PCDHGA7: variants seen among roughly 807,000 people sequenced by gnomAD.
The protein encoded by PCDHGA7 is protocadherin gamma subfamily A, 7.
In PCDHGA7, 44 loss-of-function variants were observed where a neutral mutation model predicts 58.3. The observed-to-expected ratio is 0.75, with a 90% CI of 0.59 to 0.97. The LOEUF (loss-of-function observed/expected upper bound fraction) is 0.97. Ranked by LOEUF, PCDHGA7 falls within the 50% of genes least tolerant of loss-of-function variation. The probability of loss-of-function intolerance (pLI) is 0.00; values close to 1 mark genes in which losing one functional copy is unlikely to be tolerated. For missense variants in PCDHGA7, 1,266 were observed against 1,188.7 expected, an observed-to-expected ratio of 1.06 and a Z score of -0.96; for synonymous variants, 516 against 504.2, an observed-to-expected ratio of 1.02 and a Z score of -0.31.
intron 1 of PCDHGA7, among the ~76,000 whole-genome samples, chr5:141,445,920 A>C (rs1343777309): frequency 6.6e-6 from 1 of 152,212 alleles, no homozygotes; most frequent in African/African-American, 2.4e-5. Context: ...GGCAGTGACA[A>C]GATATTTGAA....
intron 1 of PCDHGA7, chr5:141,414,638 A>G: frequency 6.2e-7 from 1 of 1,613,988 alleles, no homozygotes; most frequent in Non-Finnish European, 8.5e-7. Flanking sequence ...AGCAAAGAGA[A>G]TGCCCAGATT....
chr5:141,475,550 T>G (rs2099365082), intron 1 of PCDHGA7, among the ~76,000 whole-genome samples: 1 of 152,246 alleles, frequency 6.6e-6, no homozygotes, highest in Non-Finnish European at 1.5e-5. Flanking sequence ...AGGGTCCGGC[T>G]AATTGTCTGT....
intron 1 of PCDHGA7, among the ~76,000 whole-genome samples, chr5:141,463,684 G>C (rs2099066814): frequency 6.6e-6 from 1 of 151,910 alleles, no homozygotes; most frequent in African/African-American, 2.4e-5. Flanking sequence ...ATGACCTCGT[G>C]ATCTGCTCAC....
intron 1 of PCDHGA7, among the ~76,000 whole-genome samples, chr5:141,479,053 A>G (rs534968614): frequency 9.2e-5 from 14 of 152,334 alleles, no homozygotes; most frequent in African/African-American, 3.1e-4. Context: ...TCATTCTCAG[A>G]TAATTTTTTA....
In PCDHGA7 at chr5:141,384,661, G is replaced by C. The variant is rs777530436; in HGVS notation, c.1762G>C (p.Val588Leu). 6.2e-7 allele frequency: 1 copy of C among 1,614,226 alleles called. No individual in the cohort carries two copies. Residue 588 changes from valine (V) to leucine (L), a missense_variant, in exon 1 of 4, where the codon GTG becomes CTG. By Grantham distance (32) the Val-to-Leu change is conservative. Coordinates refer to ENST00000518325, the MANE Select transcript of PCDHGA7 (RefSeq NM_018920.4). ...APRSAEPGYL[V>L]TKVVAVDKDS... ...CCGCTCCGCAGAGCCCGGCTACCTG[G>C]TGACCAAGGTGGTGGCGGTGGACAA... is the stretch of plus-strand genomic sequence containing the variant.
Position 141,432,403 on chromosome 5 carries a change from G to A in PCDHGA7, c.2424+47080G>A, listed in dbSNP as rs1279890312. The A allele has an allele frequency of 6.2e-7, 1 of 1,614,242 alleles. No homozygotes were observed. The highest frequency in any genetic ancestry group is 8.5e-7 in the Non-Finnish European group (1 of 1,180,052). On this transcript the variant is annotated intron_variant, in intron 1 of 3. Coordinates refer to ENST00000518325, the MANE Select transcript of PCDHGA7 (RefSeq NM_018920.4). The surrounding 1 kb of genome is among the most constrained non-coding windows in gnomAD (Gnocchi z 6.0). ...CGCCCCTCAGCAGCAACGTGTCGTT[G>A]AGCCTGTTCGTGCTGGACCAGAACG...
Position 141,476,855 on chromosome 5 carries a change from T to C in PCDHGA7, c.2425-17952T>C, listed in dbSNP as rs149491772. The C allele has an allele frequency of 3.2e-4, 519 of 1,613,836 alleles. 3 individuals carry two copies. The African/African-American group carries it at 6.2e-3, about 19-fold the overall frequency. Reference sequence around the variant, plus strand: ...TGACAATGCGCCTGTCTTCAACCAGTCCTTGTACCGGGCGCGCGTCCTGGA... The same window carrying C: ...TGACAATGCGCCTGTCTTCAACCAGCCCTTGTACCGGGCGCGCGTCCTGGA... On this transcript the variant is annotated intron_variant, in intron 1 of 3. Coordinates refer to ENST00000518325, the MANE Select transcript of PCDHGA7 (RefSeq NM_018920.4). This position sits in a 1 kb window ranked among gnomAD's most constrained non-coding sequence, Gnocchi z 7.6.
intron 1 of PCDHGA7, chr5:141,400,431 A>G (rs542969819): frequency 3.0e-5 from 48 of 1,614,034 alleles, no homozygotes; most frequent in African/African-American, 1.1e-4. Context: ...GTAGTGAGCA[A>G]TTGAGTTCAG....
intron 1 of PCDHGA7, among the ~76,000 whole-genome samples, chr5:141,470,598 G>A (rs2099234276): frequency 6.6e-6 from 1 of 152,184 alleles, no homozygotes; most frequent in Admixed American, 6.5e-5. Flanking sequence ...GGCGACCTGT[G>A]CGGGGACACA....
chr5:141,463,446 T>TC, intron 1 of PCDHGA7, among the ~76,000 whole-genome samples: 1 of 125,012 alleles, frequency 8.0e-6, no homozygotes, highest in Non-Finnish European at 1.7e-5. Flanking sequence ...TCCTTTTTTT[T>TC]TTTTTTTTTT....
chr5:141,396,538 T>C (rs1352031358), intron 1 of PCDHGA7: 1 of 151,514 alleles, frequency 6.6e-6, no homozygotes, highest in Non-Finnish European at 1.5e-5. Flanking sequence ...AAGAATCACT[T>C]GAACCCGGGA....
chr5:141,410,579 G>A (rs760249748), intron 1 of PCDHGA7: 17 of 1,610,792 alleles, frequency 1.1e-5, no homozygotes, highest in Non-Finnish European at 1.4e-5. Context: ...TCCACCTCAT[G>A]GTGGGGAGGA....
At position 141,477,579 on chromosome 5, in the gene PCDHGA7, A is replaced by G. The variant is rs774773400; in HGVS notation, c.2425-17228A>G. The stretch of plus-strand genomic sequence containing the variant: ...AGTGTCTGGGACCCCGACGCCCCGC[A>G]GAATGCTCGGCTTTCTTTCTTTCTC... On this transcript the variant is annotated intron_variant, in intron 1 of 3. Coordinates refer to ENST00000518325, the MANE Select transcript of PCDHGA7 (RefSeq NM_018920.4). The surrounding 1 kb of genome is among the most constrained non-coding windows in gnomAD (Gnocchi z 4.9). The G allele has an allele frequency of 1.7e-5, 27 of 1,614,036 alleles. No individual in the cohort carries two copies. The highest frequency in any genetic ancestry group is 2.0e-5 in the Non-Finnish European group (24 of 1,180,036).
Position 141,477,665 on chromosome 5 carries a change from G to T in PCDHGA7, c.2425-17142G>T, listed in dbSNP as rs753814499. ...CTATTTCACAATAAATCGTGACAAT[G>T]GCATAGTGTCATCCTTAGTGCCCCT... is the stretch of plus-strand genomic sequence containing the variant. On this transcript the variant is annotated intron_variant, in intron 1 of 3. Coordinates refer to ENST00000518325, the MANE Select transcript of PCDHGA7 (RefSeq NM_018920.4). The surrounding 1 kb of genome is among the most constrained non-coding windows in gnomAD (Gnocchi z 4.9). 6.2e-7 allele frequency: 1 copy of T among 1,614,182 alleles called. No individual in the cohort carries two copies. The highest frequency in any genetic ancestry group is 8.5e-7 in the Non-Finnish European group (1 of 1,180,038).
At chr5:141,399,415 T>C in intron 1 of PCDHGA7, 1 of 1,613,974 alleles carries the variant, frequency 6.2e-7, no homozygotes, top group Non-Finnish European at 8.5e-7. Context: ...GCCCCTCTCC[T>C]CCAGCATAAG....
intron 2 of PCDHGA7, 105 bp downstream of exon 2, chr5:141,494,970 C>T (rs1352514628): frequency 1.9e-6 from 3 of 1,584,974 alleles, no homozygotes; most frequent in East Asian, 4.6e-5. Context: ...GATGGCTTCT[C>T]CCTCAGTTTG....
chr5:141,386,595 A>ATT lies in PCDHGA7; in HGVS notation c.2424+1283_2424+1284dup, dbSNP rs373179212. On this transcript the variant is annotated intron_variant, in intron 1 of 3. Transcript: ENST00000518325. Reference sequence around the variant, plus strand: ...CTCTGTACAATAGTGTGGGGGATACATTTTTTTTTTTTGACATGGAGTCTC... The same window carrying ATT: ...CTCTGTACAATAGTGTGGGGGATACATTTTTTTTTTTTTTGACATGGAGTCTC... 4.8e-5 allele frequency among the ~76,000 whole-genome samples: 7 copies of ATT among 146,172 alleles called. No individual in the cohort carries two copies. The East Asian group carries it at 9.9e-4, about 21-fold the overall frequency.
At chr5:141,445,282 T>G (rs1023693067) in intron 1 of PCDHGA7, among the ~76,000 whole-genome samples, 4 of 152,220 alleles carry the variant, frequency 2.6e-5, no homozygotes, top group Non-Finnish European at 5.9e-5. Context: ...TCTGCATAAG[T>G]TCAGGCTTCC....
chr5:141,383,386 G>A lies in PCDHGA7; in HGVS notation c.487G>A (p.Gly163Ser). The A allele has an allele frequency of 6.2e-7, 1 of 1,614,000 alleles. No homozygotes were observed. ...AAGCGAGGCTGGGGATCCAGATGTGGGCACGAACTCCCTCCAGAGTTACCA... is the reference window on the plus strand; with the variant it reads ...AAGCGAGGCTGGGGATCCAGATGTGAGCACGAACTCCCTCCAGAGTTACCA... ...PLSEAGDPDVGTNSLQSYQLS... is the reference protein window; with the variant it reads ...PLSEAGDPDVSTNSLQSYQLS... The change falls in exon 1 of 4, where the codon GGC becomes AGC. Residue 163 changes from glycine (G) to serine (S), a missense_variant. Coordinates refer to ENST00000518325, the MANE Select transcript of PCDHGA7 (RefSeq NM_018920.4).
Sources: gnomAD v4.1 joint callset for allele counts (sites outside exome capture counted in the v4.1 genomes callset) on GRCh38, gnomAD v4.1.1 for gene constraint, Gnocchi (gnomAD v3.1) non-coding constraint, MANE v1.5 for transcripts, NCBI Gene and HGNC (gene_info 2026-07-23, HGNC 2026-07-21) for gene names.